Variants in KIRREL2 observed in about 807,000 individuals in gnomAD.
KIRREL2 encodes kin of IRRE-like protein 2.
In KIRREL2, 56 loss-of-function variants were observed where a neutral mutation model predicts 73.4. That is an observed-to-expected ratio of 0.76 (90% CI 0.62 to 0.95). The LOEUF is 0.95. Ranked by LOEUF, KIRREL2 falls within the 40% of genes least tolerant of loss-of-function variation. The probability of loss-of-function intolerance (pLI) is 0.00; values close to 1 mark genes in which losing one functional copy is unlikely to be tolerated. For synonymous variants in KIRREL2, 407 were observed against 404.0 expected (o/e 1.01, Z -0.09); for missense variants, 896 against 935.0 (o/e 0.96, Z 0.54).
At chr19:35,861,506 C>A in intron 9 of KIRREL2, 35 bp from the exon 10 acceptor site, 1 of 1,595,080 alleles carries the variant, frequency 6.3e-7, no homozygotes, top group Non-Finnish European at 8.6e-7. Context: ...GAGGGCAAGA[C>A]CTCTCCTCTG....
chr19:35,865,625 C>G (rs1973934294), intron 14 of KIRREL2, among the ~76,000 whole-genome samples: 1 of 152,250 alleles, frequency 6.6e-6, no homozygotes, highest in African/African-American at 2.4e-5. Context: ...CATGACCACT[C>G]TGATCTGGGC....
upstream of KIRREL2, among the ~76,000 whole-genome samples, chr19:35,854,997 C>T (rs1247251708): frequency 6.6e-6 from 1 of 152,168 alleles, no homozygotes; most frequent in South Asian, 2.1e-4. Flanking sequence ...TTATCTCCTG[C>T]GGGAATTGGA....
chr19:35,853,390 G>A (rs549591662), upstream of KIRREL2, among the ~76,000 whole-genome samples: 1 of 152,320 alleles, frequency 6.6e-6, no homozygotes, highest in South Asian at 2.1e-4. Context: ...CCCAAAGTGG[G>A]CGCCCTTTGG....
In KIRREL2 at chr19:35,866,644, T is replaced by G; in HGVS notation, c.*152T>G. Reference sequence around the variant, plus strand: ...ATTACATTTGTCAGGAGCATTTGTATACAGTCAGCTCAGCCAAAGGAGATG... The same window carrying G: ...ATTACATTTGTCAGGAGCATTTGTAGACAGTCAGCTCAGCCAAAGGAGATG... On this transcript the variant is annotated 3_prime_UTR_variant, in exon 15 of 15. Transcript: ENST00000360202. The G allele has an allele frequency of 8.5e-7, 1 of 1,182,122 alleles. No individual in the cohort carries two copies. Among genetic ancestry groups the G allele is most frequent in the East Asian group, 2.4e-5 (1 of 42,200 alleles). 73.2% of individuals were successfully genotyped at this position (1,182,122 alleles called of 1,614,324 possible). A position where few individuals can be genotyped will look rare whatever the true frequency, so the allele number is the denominator to read the frequency against.
intron 10 of KIRREL2, 68 bp from the exon 11 acceptor site, chr19:35,861,737 A>G (rs1973697839): frequency 3.1e-6 from 5 of 1,587,316 alleles, no homozygotes; most frequent in Non-Finnish European, 3.4e-6. Context: ...CTGACTTCCC[A>G]GACATCCCTC....
Position 35,862,025 on chromosome 19 carries a change from G to T in KIRREL2, c.1510+1G>T. 1 of 1,605,496 alleles carries T rather than the reference G, an allele frequency of 6.2e-7. No homozygotes were observed. The highest frequency in any genetic ancestry group is 1.3e-5 in the African/African-American group (1 of 74,974). Reference sequence around the variant, plus strand: ...GCCCAGGCCAGCCTGGGCCGTAGAGGTGAGACCCCAGCCCGAAGACCCCAA... The same window carrying T: ...GCCCAGGCCAGCCTGGGCCGTAGAGTTGAGACCCCAGCCCGAAGACCCCAA... On this transcript the variant is annotated splice_donor_variant, in intron 11 of 14. Coordinates refer to ENST00000360202, the MANE Select transcript of KIRREL2 (RefSeq NM_199180.4). LOFTEE classifies it high-confidence loss of function.
In KIRREL2 at chr19:35,857,247, A is replaced by G. The variant is rs374511080; in HGVS notation, c.61+67A>G. The stretch of plus-strand genomic sequence containing the variant: ...GGAGTTGCTTGCGGGCTGCCTCTTC[A>G]CTAGCGAGAAGGGAGCTGGGGGCTG... On this transcript the variant is annotated intron_variant, in intron 1 of 14. Coordinates refer to ENST00000360202, the MANE Select transcript of KIRREL2 (RefSeq NM_199180.4). The G allele has an allele frequency of 2.9e-4, 457 of 1,603,324 alleles. 2 individuals are homozygous for G. In the African/African-American group the frequency reaches 4.8e-3, roughly 17 times the overall value.
intron 11 of KIRREL2, 53 bp downstream of exon 11, chr19:35,862,077 G>T: frequency 6.8e-7 from 1 of 1,473,946 alleles, no homozygotes; most frequent in Non-Finnish European, 9.3e-7. Flanking sequence ...CCCCACAAAC[G>T]CAGGGATCCC....
In KIRREL2 at chr19:35,866,415, C is replaced by A. The variant is rs764837769; in HGVS notation, c.2050C>A (p.Leu684Met). ...ACCCACATCCTTTGGGCCCCCAGAT[C>A]TGGCCCCCGGGACTCCCCCCTTCCC... ...IKPTSFGPPDLAPGTPPFPYA... is the reference protein window; with the variant it reads ...IKPTSFGPPDMAPGTPPFPYA... The change falls in exon 15 of 15, where the codon CTG becomes ATG. Residue 684 changes from leucine (L) to methionine (M), a missense_variant. Transcript: ENST00000360202. The A allele has an allele frequency of 1.9e-6, 3 of 1,611,712 alleles. No homozygotes were observed. The highest frequency in any genetic ancestry group is 2.5e-6 in the Non-Finnish European group (3 of 1,178,032).
In KIRREL2 at chr19:35,861,204, G is replaced by C; in HGVS notation, c.1139G>C (p.Gly380Ala). Residue 380 changes from glycine to alanine, a missense_variant, in exon 9 of 15, where the codon GGG (glycine) becomes GCG (alanine). Transcript: ENST00000360202. ...GACTATGTGTGCAGAGCTGAGGCTG[G>C]GCTATCGGGCCTGCGGGGCGGCGCC... ...AGDYVCRAEAGLSGLRGGAAE... is the reference protein window; with the variant it reads ...AGDYVCRAEAALSGLRGGAAE... 6.4e-7 allele frequency: 1 copy of C among 1,550,426 alleles called. No individual in the cohort carries two copies. The highest frequency in any genetic ancestry group is 8.7e-7 in the Non-Finnish European group (1 of 1,155,696).
chr19:35,860,125 C>G (rs1416388081), intron 5 of KIRREL2, among the ~76,000 whole-genome samples, 172 bp from the exon 6 acceptor site: 3 of 152,094 alleles, frequency 2.0e-5, no homozygotes, highest in African/African-American at 7.2e-5. Flanking sequence ...AAGGCTGGCA[C>G]ATTGAGGTAA....
In KIRREL2 at chr19:35,856,998, G is replaced by A; in HGVS notation, c.-122G>A. On this transcript the variant is annotated 5_prime_UTR_variant, in exon 1 of 15. An upstream open reading frame in the 5' UTR loses its in-frame stop. Transcript: ENST00000360202. This position sits in a 1 kb window ranked among gnomAD's most constrained non-coding sequence, Gnocchi z 5.9. The stretch of plus-strand genomic sequence containing the variant: ...TTGGAGGACTCCAGGCCAGAGACTA[G>A]GCTGGGCGAAGAGTCGAGCGTGAAG... The A allele has an allele frequency of 1.0e-6, 1 of 1,003,486 alleles. No homozygotes were observed. Among genetic ancestry groups the A allele is most frequent in the Non-Finnish European group, 1.6e-6 (1 of 635,424 alleles). The allele number at this position is 1,003,486 out of a possible 1,614,324, so 62.2% of individuals were successfully genotyped here.
rs1371009320 is a variant in KIRREL2, at chr19:35,859,635, A to C, written c.673+4A>C. On this transcript the variant is annotated splice_donor_region_variant and intron_variant, in intron 5 of 14. Coordinates refer to ENST00000360202, the MANE Select transcript of KIRREL2 (RefSeq NM_199180.4). ...GCTATCACACTGAGCCTGCAGTGTG[A>C]GTGCAGCTGGCCCTGGGAAAGAGGG... 1.2e-6 allele frequency: 2 copies of C among 1,613,334 alleles called. No individual in the cohort carries two copies. The highest frequency in any genetic ancestry group is 3.3e-5 in the Admixed American group (2 of 60,010).
rs1295361029 is a variant in KIRREL2 at position 35,860,618 on chromosome 19, C to T, written c.879C>T (p.Val293=). The T allele has an allele frequency of 3.1e-6, 5 of 1,603,604 alleles. No individual in the cohort carries two copies. The highest frequency in any genetic ancestry group is 1.7e-5 in the Admixed American group (1 of 60,020). Residue 293 remains valine, a synonymous_variant, in exon 7 of 15, where the codon GTC becomes GTT. Coordinates refer to ENST00000360202, the MANE Select transcript of KIRREL2 (RefSeq NM_199180.4). ...TGACTGAGCCCGTGTCCTGCGAGGTCAGCAACGCCGTGGGTAGCGCCAACC... is the reference window on the plus strand; with the variant it reads ...TGACTGAGCCCGTGTCCTGCGAGGTTAGCAACGCCGTGGGTAGCGCCAACC... ...SFLTEPVSCE[V]SNAVGSANRS... is the part of the protein sequence containing the mutation.
At chr19:35,851,599 C>T, upstream of KIRREL2, 3 of 1,613,988 alleles carry the variant, frequency 1.9e-6, no homozygotes, top group Non-Finnish European at 2.5e-6. Flanking sequence ...AGGCCCCCTC[C>T]ACCACCGTCA....
intron 2 of KIRREL2, among the ~76,000 whole-genome samples, chr19:35,857,875 A>G (rs1220641137): frequency 2.0e-5 from 3 of 151,712 alleles, no homozygotes; most frequent in South Asian, 4.2e-4. Flanking sequence ...GTGTGCATCT[A>G]TAGTCCCAGT....
At position 35,864,650 on chromosome 19, in the gene KIRREL2, C is replaced by T. The variant is rs1346663149; in HGVS notation, c.1728C>T (p.Gly576=). 4 of 1,612,308 alleles carry T rather than the reference C, an allele frequency of 2.5e-6. No homozygotes were observed. The highest frequency in any genetic ancestry group is 2.5e-6 in the Non-Finnish European group (3 of 1,178,446). ...TCTCACTAAGTTCCCTACCCCAGGG[C>T]CCCATTGTGCACACTGACCACAGTG... ...EEETGSREDR[G]PIVHTDHSDL... Residue 576 remains glycine, a splice_region_variant and synonymous_variant, in exon 14 of 15, where the codon GGC becomes GGT. Transcript: ENST00000360202.
chr19:35,858,373 C>T lies in KIRREL2; in HGVS notation c.212-35C>T, dbSNP rs745519148. On this transcript the variant is annotated intron_variant, in intron 2 of 14. Transcript: ENST00000360202. ...GAGGCCTGAGGCCAGGATTTCAGAACCATGGTGTGCTGACTGCCTTCTCCC... is the reference window on the plus strand; with the variant it reads ...GAGGCCTGAGGCCAGGATTTCAGAATCATGGTGTGCTGACTGCCTTCTCCC... 2.5e-6 allele frequency: 4 copies of T among 1,599,876 alleles called. No homozygotes were observed. The Admixed American group carries it at 6.7e-5, about 27-fold the overall frequency.
intron 12 of KIRREL2, 127 bp downstream of exon 12, chr19:35,862,724 T>G: frequency 1.3e-6 from 1 of 765,154 alleles, no homozygotes; most frequent in East Asian, 2.6e-5. Context: ...AGGGCTTAGC[T>G]CTCCTTCACG....
Sources: allele counts gnomAD v4.1 joint callset (sites outside exome capture counted in the v4.1 genomes callset), GRCh38; gene constraint gnomAD v4.1.1; non-coding constraint Gnocchi (gnomAD v3.1); transcripts MANE v1.5; gene names NCBI Gene and HGNC (gene_info 2026-07-23, HGNC 2026-07-21).